Variants in PRDM11 observed in about 807,000 individuals in gnomAD.
The protein encoded by PRDM11 is PR/SET domain 11.
PRDM11 carries 20 observed loss-of-function variants against 97.8 expected under a neutral mutation model. The observed-to-expected ratio is 0.20, with a 90% confidence interval of 0.14 to 0.30. The LOEUF (loss-of-function observed/expected upper bound fraction) is 0.30. Ranked by LOEUF, PRDM11 falls within the 10% of genes least tolerant of loss-of-function variation. The pLI is 1.00. For synonymous variants in PRDM11, 599 were observed against 637.7 expected (o/e 0.94, Z 0.91); for missense variants, 1,139 against 1,555.2 (o/e 0.73, Z 4.50).
intron 1 of PRDM11, among the ~76,000 whole-genome samples, chr11:45,102,766 C>T (rs1402953533): frequency 6.6e-6 from 1 of 152,262 alleles, no homozygotes; most frequent in African/African-American, 2.4e-5. Flanking sequence ...GAGCCTCTGG[C>T]CACAGAAGGT....
At chr11:45,096,415 A>G (rs1851887758) in intron 1 of PRDM11, among the ~76,000 whole-genome samples, 1 of 152,062 alleles carries the variant, frequency 6.6e-6, no homozygotes, top group Non-Finnish European at 1.5e-5. Context: ...TGTTACTCTC[A>G]TTTTTTCACA....
At chr11:45,105,933 G>A (rs147536266) in intron 1 of PRDM11, among the ~76,000 whole-genome samples, 155 of 152,308 alleles carry the variant, frequency 1.0e-3, no homozygotes, top group African/African-American at 1.8e-3. Flanking sequence ...AGGCTGGACC[G>A]ACCCTTCTAA....
intron 4 of PRDM11, among the ~76,000 whole-genome samples, chr11:45,183,706 A>C (rs187126341): frequency 6.6e-6 from 1 of 152,222 alleles, no homozygotes; most frequent in African/African-American, 2.4e-5. Flanking sequence ...GGGTATGAGG[A>C]GGAAGGGTTA....
intron 6 of PRDM11, among the ~76,000 whole-genome samples, chr11:45,220,111 C>T (rs1316302189): frequency 2.6e-5 from 4 of 152,104 alleles, no homozygotes; most frequent in East Asian, 3.8e-4. Context: ...CAATAATGAT[C>T]GTAATAATAG....
chr11:45,135,013 GCA>G (rs1852810030), intron 1 of PRDM11, among the ~76,000 whole-genome samples: 1 of 151,966 alleles, frequency 6.6e-6, no homozygotes, highest in Non-Finnish European at 1.5e-5. Context: ...GGGCACAGTG[GCA>G]CACAGTTGTA....
At chr11:45,163,122 G>A (rs1206941702) in intron 1 of PRDM11, among the ~76,000 whole-genome samples, 1 of 152,146 alleles carries the variant, frequency 6.6e-6, no homozygotes, top group Non-Finnish European at 1.5e-5. Flanking sequence ...GTGCCCCCGG[G>A]GAACAGAGGC....
In PRDM11 at chr11:45,213,736, A is replaced by G. The variant is rs897723660; in HGVS notation, c.555-5834A>G. The G allele has an allele frequency of 2.0e-5, 9 of 456,346 alleles. No homozygotes were observed. In the East Asian group the frequency reaches 6.3e-4, roughly 32 times the overall value. The allele number at this position is 456,346 out of a possible 1,614,324, so 28.3% of individuals were successfully genotyped here. Reference sequence around the variant, plus strand: ...ACAGTCAGCTCAAGACAGCCAAGTCAGGTATTATTATGATCATTTTTATCA... The same window carrying G: ...ACAGTCAGCTCAAGACAGCCAAGTCGGGTATTATTATGATCATTTTTATCA... On this transcript the variant is annotated intron_variant, in intron 5 of 7. Coordinates refer to ENST00000683152, the MANE Select transcript of PRDM11 (RefSeq NM_001384648.1).
intron 1 of PRDM11, among the ~76,000 whole-genome samples, chr11:45,140,943 A>G (rs1310729278): frequency 6.6e-6 from 1 of 152,104 alleles, no homozygotes; most frequent in Non-Finnish European, 1.5e-5. Flanking sequence ...CCAATACTCA[A>G]CACCATTGAG....
chr11:45,165,241 C>T (rs1852033923), intron 1 of PRDM11, among the ~76,000 whole-genome samples: 1 of 152,168 alleles, frequency 6.6e-6, no homozygotes, highest in Non-Finnish European at 1.5e-5. Context: ...TCCCATGCCC[C>T]TTGGGAGTGG....
At position 45,185,429 on chromosome 11, in the gene PRDM11, C is replaced by G. The variant is rs530101554; in HGVS notation, c.486+2306C>G. On this transcript the variant is annotated intron_variant, in intron 4 of 7. Transcript: ENST00000683152. ...TAGCATGGAGGTGACCAGGCATAGT[C>G]ATTTCCTAGAAGTTTGGTTACAGAT... Among the ~76,000 whole-genome samples, 3 of 152,252 alleles carry G rather than the reference C, an allele frequency of 2.0e-5. No individual in the cohort carries two copies. In the South Asian group the frequency reaches 6.2e-4, roughly 32 times the overall value.
At chr11:45,124,871 A>T (rs919903519) in intron 1 of PRDM11, among the ~76,000 whole-genome samples, 1 of 152,124 alleles carries the variant, frequency 6.6e-6, no homozygotes, top group African/African-American at 2.4e-5. Context: ...GTTAGGGAGG[A>T]TTCCTTCTTT....
At chr11:45,129,245 G>A (rs1422036255) in intron 1 of PRDM11, among the ~76,000 whole-genome samples, 1 of 152,144 alleles carries the variant, frequency 6.6e-6, no homozygotes, top group Admixed American at 6.5e-5. Context: ...TTAGGAACAA[G>A]ACAAGGCTAC....
At chr11:45,101,600 GGCGTTC>G (rs1565220162) in intron 1 of PRDM11, among the ~76,000 whole-genome samples, 37 of 149,020 alleles carry the variant, frequency 2.5e-4, no homozygotes, top group African/African-American at 7.9e-4. Context: ...AGAAGAAGAA[GGCGTTC>G]AGGGCTCAGA....
intron 4 of PRDM11, among the ~76,000 whole-genome samples, chr11:45,198,872 C>G (rs1853225428): frequency 6.6e-6 from 1 of 152,118 alleles, no homozygotes; most frequent in Non-Finnish European, 1.5e-5. Context: ...GTCAGAGACC[C>G]AAGTTTAAAC....
intron 5 of PRDM11, among the ~76,000 whole-genome samples, chr11:45,217,473 G>A (rs1269842786): frequency 6.6e-6 from 1 of 152,146 alleles, no homozygotes; most frequent in Non-Finnish European, 1.5e-5. Flanking sequence ...AAATTCTGGC[G>A]GATCTAAGCA....
At chr11:45,202,869 T>G (rs1020333849) in intron 4 of PRDM11, among the ~76,000 whole-genome samples, 3 of 152,200 alleles carry the variant, frequency 2.0e-5, no homozygotes, top group African/African-American at 7.2e-5. Context: ...ATGATTATTG[T>G]TATTTTTAAG....
At chr11:45,094,846 GAA>G (rs1851865830), upstream of PRDM11, among the ~76,000 whole-genome samples, 1 of 144,428 alleles carries the variant, frequency 6.9e-6, no homozygotes, top group Non-Finnish European at 1.5e-5. Flanking sequence ...AGGAGGGAAG[GAA>G]GGGAGGAAGG....
chr11:45,197,759 A>C (rs1210840992), intron 4 of PRDM11, among the ~76,000 whole-genome samples: 1 of 152,102 alleles, frequency 6.6e-6, no homozygotes, highest in African/African-American at 2.4e-5. Context: ...TTCTGAGCAA[A>C]CTATCGCAAG....
intron 4 of PRDM11, among the ~76,000 whole-genome samples, chr11:45,188,816 C>T (rs1045451111): frequency 7.9e-5 from 12 of 152,188 alleles, no homozygotes; most frequent in Non-Finnish European, 1.6e-4. Flanking sequence ...GCTGCTGGCA[C>T]GAGGCATTTG....
Sources: allele counts gnomAD v4.1 joint callset (sites outside exome capture counted in the v4.1 genomes callset), GRCh38; gene constraint gnomAD v4.1.1; transcripts MANE v1.5; gene names NCBI Gene and HGNC (gene_info 2026-07-23, HGNC 2026-07-21).